Variants in ALK observed in about 807,000 individuals in gnomAD.
The protein encoded by ALK is ALK tyrosine kinase receptor.
Under a neutral mutation model 163.1 loss-of-function variants are expected in ALK, and 74 were observed. That is an observed-to-expected ratio of 0.45 (90% CI 0.38 to 0.55). The LOEUF is 0.55. Among genes scored for constraint, ALK ranks in the 20% least tolerant of loss-of-function variants. The probability of loss-of-function intolerance (pLI) is 0.00; values close to 1 mark genes in which losing one functional copy is unlikely to be tolerated. For missense variants in ALK, 2,063 were observed against 2,105.3 expected (o/e 0.98, Z 0.39); for synonymous variants, 960 against 843.2 (o/e 1.14, Z -2.40).
intron 5 of ALK, among the ~76,000 whole-genome samples, chr2:29,377,843 T>G (rs1236983921): frequency 6.6e-6 from 1 of 152,222 alleles, no homozygotes; most frequent in Non-Finnish European, 1.5e-5. Flanking sequence ...CCAGAGAAGT[T>G]AGAGAAATAA....
At position 29,383,742 on chromosome 2, in the gene ALK, G is replaced by A. The variant is rs747832091; in HGVS notation, c.1272C>T (p.Asn424=). The A allele has an allele frequency of 6.2e-7, 1 of 1,614,146 alleles. No individual in the cohort carries two copies. The highest frequency in any genetic ancestry group is 8.5e-7 in the Non-Finnish European group (1 of 1,179,990). ...GCCAGATTCAGATACCTTCACTGCA[G>A]TTCTTCAGGGCAAAGAAGTCCACTG... ...LSAVDFFALK[N]CSEGTSPGSK... is the part of the protein sequence containing the mutation. The change falls in exon 5 of 29, where the codon AAC becomes AAT. Residue 424 remains asparagine, a synonymous_variant. Transcript: ENST00000389048.
chr2:29,252,524 T>C (rs932007042), intron 11 of ALK, among the ~76,000 whole-genome samples: 1 of 152,178 alleles, frequency 6.6e-6, no homozygotes, highest in Non-Finnish European at 1.5e-5. Flanking sequence ...TTATAAGCAA[T>C]AGATTGAGAC....
intron 8 of ALK, among the ~76,000 whole-genome samples, chr2:29,304,712 C>T (rs1666457957): frequency 1.3e-5 from 2 of 152,120 alleles, no homozygotes; most frequent in Admixed American, 6.5e-5. Context: ...TGCTTCAAGG[C>T]CAATGTGTAT....
chr2:29,843,398 C>A (rs138690580), intron 1 of ALK, among the ~76,000 whole-genome samples: 1 of 151,394 alleles, frequency 6.6e-6, no homozygotes, highest in East Asian at 1.9e-4. Context: ...ACTTAGGTTG[C>A]GAGGGTACCT....
chr2:29,662,601 G>C (rs2631978), intron 3 of ALK, among the ~76,000 whole-genome samples: 151,583 of 152,292 alleles, frequency 1, 75,444 homozygotes, highest in Middle Eastern at 1. Context: ...GATCATTAGG[G>C]GTGCTGGCTC....
chr2:29,842,236 T>C (rs1394236283), intron 1 of ALK, among the ~76,000 whole-genome samples: 1 of 152,204 alleles, frequency 6.6e-6, no homozygotes, highest in Non-Finnish European at 1.5e-5. Flanking sequence ...ATTATATCTA[T>C]GAAAGACCCG....
rs77102810 is a variant in ALK at position 29,251,176 on chromosome 2, G to A, written c.2133C>T (p.Ser711=). 1,917 of 1,614,072 alleles carry A rather than the reference G, an allele frequency of 1.2e-3. 18 individuals carry two copies. In the African/African-American group the frequency reaches 0.022, roughly 18 times the overall value. ...CNNAYQNSNL[S]VEVGSEGPLK... ...GGGGGCCCTCGCTCCCCACCTCCAC[G>A]CTCAGGTTGGAGTTCTGGTAGGCGT... Residue 711 remains serine (S), a synonymous_variant, in exon 12 of 29, where the codon AGC becomes AGT. Coordinates refer to ENST00000389048, the MANE Select transcript of ALK (RefSeq NM_004304.5).
chr2:29,848,086 C>T (rs955177864), intron 1 of ALK, among the ~76,000 whole-genome samples: 3 of 152,064 alleles, frequency 2.0e-5, no homozygotes, highest in South Asian at 2.1e-4. Flanking sequence ...TGGTGAGGCT[C>T]GGTACGCAGC....
In ALK at chr2:29,858,114, C is replaced by T. The variant is rs192621342; in HGVS notation, c.667+61879G>A. On this transcript the variant is annotated intron_variant, in intron 1 of 28. Coordinates refer to ENST00000389048, the MANE Select transcript of ALK (RefSeq NM_004304.5). ...CTTAGTTCTATGCAATTTTATCACA[C>T]GCATTAGTTTCTGTATCCATCACCA... is the stretch of plus-strand genomic sequence containing the variant. Among the ~76,000 whole-genome samples the T allele has an allele frequency of 5.1e-4, 77 of 152,128 alleles. 1 individual carries two copies. The highest frequency in any genetic ancestry group is 3.4e-3 in the Admixed American group (52 of 15,280).
chr2:29,281,665 C>T (rs1028158369), intron 9 of ALK, among the ~76,000 whole-genome samples: 19 of 152,160 alleles, frequency 1.2e-4, no homozygotes, highest in Admixed American at 4.6e-4. Context: ...AGAATGCATT[C>T]GCCCTGACTC....
intron 16 of ALK, 69 bp downstream of exon 16, chr2:29,228,815 G>C (rs539875926): frequency 1.4e-5 from 15 of 1,056,774 alleles, no homozygotes; most frequent in Non-Finnish European, 2.1e-5. Context: ...GGGGAGGGCA[G>C]GGCAGGGAGG....
chr2:29,597,330 T>C (rs954457468), intron 3 of ALK, among the ~76,000 whole-genome samples: 3 of 152,216 alleles, frequency 2.0e-5, no homozygotes, highest in Non-Finnish European at 1.5e-5. Flanking sequence ...GGAGTGGAGA[T>C]TTAGTGCTCA....
intron 1 of ALK, among the ~76,000 whole-genome samples, chr2:29,780,682 C>T (rs1024566338): frequency 9.8e-5 from 15 of 152,290 alleles, no homozygotes; most frequent in African/African-American, 3.6e-4. Flanking sequence ...TGACGGGCTA[C>T]GTTAGCACAA....
chr2:29,810,164 G>A (rs892454415), intron 1 of ALK, among the ~76,000 whole-genome samples: 1 of 152,168 alleles, frequency 6.6e-6, no homozygotes, highest in Non-Finnish European at 1.5e-5. Flanking sequence ...GCTCATGTGT[G>A]TAATCCCAGC....
At chr2:29,445,869 G>A (rs968575259) in intron 4 of ALK, among the ~76,000 whole-genome samples, 1 of 151,634 alleles carries the variant, frequency 6.6e-6, no homozygotes, top group African/African-American at 2.4e-5. Flanking sequence ...GGAGGCCGAG[G>A]CGGGCGGATC....
rs748996936 is a variant in ALK, at chr2:29,328,447, G to A, written c.1317C>T (p.Ser439=). 1.4e-5 allele frequency: 22 copies of A among 1,614,110 alleles called. No individual in the cohort carries two copies. Among genetic ancestry groups the A allele is most frequent in the Non-Finnish European group, 1.8e-5 (21 of 1,180,038 alleles). The change falls in exon 6 of 29, where the codon AGC becomes AGT. Residue 439 remains serine (S), a synonymous_variant. Transcript: ENST00000389048. ...CTGTCCCATTCCAACAAGTGAAGGAGCTCTGCAGGGCCATCTTGGAGCCTG... is the reference window on the plus strand; with the variant it reads ...CTGTCCCATTCCAACAAGTGAAGGAACTCTGCAGGGCCATCTTGGAGCCTG... The part of the protein sequence containing the change: ...TSPGSKMALQ[S]SFTCWNGTVL...
intron 4 of ALK, among the ~76,000 whole-genome samples, chr2:29,487,056 A>T (rs1402214537): frequency 6.6e-6 from 1 of 152,216 alleles, no homozygotes; most frequent in African/African-American, 2.4e-5. Context: ...CAGAAGAGTT[A>T]GAGGGGATCA....
intron 1 of ALK, among the ~76,000 whole-genome samples, chr2:29,858,461 G>C (rs550993986): frequency 8.6e-5 from 13 of 151,848 alleles, no homozygotes. Context: ...GGCCGGGTGC[G>C]GTGGCTCATG....
chr2:29,833,188 T>G (rs759007163), intron 1 of ALK, among the ~76,000 whole-genome samples: 1 of 152,162 alleles, frequency 6.6e-6, no homozygotes, highest in Non-Finnish European at 1.5e-5. Context: ...CTCTCCTCTG[T>G]TGGAATCTCT....
Sources: gnomAD v4.1 joint callset for allele counts (sites outside exome capture counted in the v4.1 genomes callset) on GRCh38, gnomAD v4.1.1 for gene constraint, MANE v1.5 for transcripts, NCBI Gene and HGNC (gene_info 2026-07-23, HGNC 2026-07-21) for gene names.